IL1RAPL1: variants seen among roughly 807,000 people sequenced by gnomAD.
IL1RAPL1 encodes the protein interleukin-1 receptor accessory protein-like 1.
A neutral mutation model predicts 48.4 loss-of-function variants in IL1RAPL1; 3 were observed. The ratio of observed to expected loss-of-function variants is 0.06; its 90% CI spans 0.03 to 0.16. IL1RAPL1 has a LOEUF of 0.16. Among genes scored for constraint, IL1RAPL1 ranks in the 10% least tolerant of loss-of-function variants. The pLI, the probability that IL1RAPL1 is intolerant of heterozygous loss-of-function variation, is 1.00. For missense variants in IL1RAPL1, 349 were observed against 530.6 expected, an observed-to-expected ratio of 0.66 and a Z score of 3.36; for synonymous variants, 185 against 187.7, an observed-to-expected ratio of 0.99 and a Z score of 0.12.
At chrX:28,957,419 T>A (rs1434642952) in intron 2 of IL1RAPL1, among the ~76,000 whole-genome samples, 2 of 112,169 alleles carry the variant, frequency 1.8e-5, no homozygotes, top group Admixed American at 9.5e-5. Context: ...ATTTTAAGAA[T>A]TTTAATCAAG....
intron 5 of IL1RAPL1, among the ~76,000 whole-genome samples, chrX:29,611,574 A>G (rs1346039207): frequency 2.7e-5 from 3 of 111,650 alleles, no homozygotes; most frequent in African/African-American, 6.5e-5. Flanking sequence ...GGGCTGTGTC[A>G]TGCGCCATGG....
chrX:29,260,170 TACCA>T (rs1931827656), intron 2 of IL1RAPL1, among the ~76,000 whole-genome samples: 1 of 112,521 alleles, frequency 8.9e-6, no homozygotes, highest in Non-Finnish European at 1.9e-5. Flanking sequence ...TAATTTATTT[TACCA>T]AATGTTATAG....
chrX:29,589,688 GATAAA>G (rs1479023205), intron 5 of IL1RAPL1, among the ~76,000 whole-genome samples: 1 of 111,089 alleles, frequency 9.0e-6, no homozygotes, highest in Non-Finnish European at 1.9e-5. Flanking sequence ...TAATTAGTAG[GATAAA>G]ATAAAATAAT....
chrX:29,587,854 C>T (rs767293421), intron 5 of IL1RAPL1, among the ~76,000 whole-genome samples: 78 of 112,032 alleles, frequency 7.0e-4, no homozygotes, highest in African/African-American at 2.4e-3. Flanking sequence ...GCTTTTGTGT[C>T]CTGCATGTGT....
At chrX:29,137,604 A>G (rs1408090650) in intron 2 of IL1RAPL1, among the ~76,000 whole-genome samples, 2 of 112,351 alleles carry the variant, frequency 1.8e-5, no homozygotes, top group Non-Finnish European at 3.8e-5. Flanking sequence ...ATAGGTAGAC[A>G]GATACCTGAA....
chrX:28,606,280 G>A (rs1489080519), intron 1 of IL1RAPL1, among the ~76,000 whole-genome samples: 1 of 111,999 alleles, frequency 8.9e-6, no homozygotes, highest in African/African-American at 3.2e-5. Flanking sequence ...ATAAGATAAT[G>A]CAGTTAGAGC....
At position 29,899,453 on chromosome X, in the gene IL1RAPL1, G is replaced by C. The variant is rs181627606; in HGVS notation, c.779-18011G>C. On this transcript the variant is annotated intron_variant, in intron 6 of 10. Coordinates refer to ENST00000378993, the MANE Select transcript of IL1RAPL1 (RefSeq NM_014271.4). ...TGAGACAGGAGATACAGGTTGCAAAGAGAAATAAATAACAAGTCTTCCTCA... is the reference window on the plus strand; with the variant it reads ...TGAGACAGGAGATACAGGTTGCAAACAGAAATAAATAACAAGTCTTCCTCA... Among the ~76,000 whole-genome samples, 13 of 110,908 alleles carry C rather than the reference G, an allele frequency of 1.2e-4. No homozygotes were observed. In the East Asian group the frequency reaches 3.7e-3, roughly 31 times the overall value.
intron 6 of IL1RAPL1, among the ~76,000 whole-genome samples, chrX:29,840,378 C>T (rs1931112703): frequency 8.9e-6 from 1 of 111,735 alleles, no homozygotes; most frequent in African/African-American, 3.3e-5. Context: ...TCCCCTGCAG[C>T]ATTTAAATAC....
chrX:29,405,427 C>T lies in IL1RAPL1; in HGVS notation c.703+6119C>T, dbSNP rs1310365008. Reference sequence around the variant, plus strand: ...TGTCGCCCAGGCTGGAGTGCAGTGGCGGGATCTCGGCTCACTGCAAGCTCC... The same window carrying T: ...TGTCGCCCAGGCTGGAGTGCAGTGGTGGGATCTCGGCTCACTGCAAGCTCC... On this transcript the variant is annotated intron_variant, in intron 5 of 10. Transcript: ENST00000378993. 1.4e-4 allele frequency among the ~76,000 whole-genome samples: 13 copies of T among 96,272 alleles called. 2 individuals are homozygous for T. The highest frequency in any genetic ancestry group is 7.4e-4 in the Admixed American group (7 of 9,481). 83.6% of individuals were successfully genotyped at this position (96,272 alleles called of 115,157 possible).
intron 1 of IL1RAPL1, among the ~76,000 whole-genome samples, chrX:28,672,103 C>A (rs1458817994): frequency 8.9e-6 from 1 of 111,909 alleles, no homozygotes; most frequent in Non-Finnish European, 1.9e-5. Context: ...AGAACAATTC[C>A]AAAGACAAAT....
chrX:29,044,317 A>T (rs1412255520), intron 2 of IL1RAPL1, among the ~76,000 whole-genome samples: 1 of 110,346 alleles, frequency 9.1e-6, no homozygotes, highest in Non-Finnish European at 1.9e-5. Flanking sequence ...ATAATTCCAG[A>T]TACTCAGGAG....
intron 1 of IL1RAPL1, among the ~76,000 whole-genome samples, chrX:28,654,875 C>A (rs897929521): frequency 1.8e-5 from 2 of 111,654 alleles, no homozygotes; most frequent in African/African-American, 6.5e-5. Context: ...AAACCCATAC[C>A]ACTGGCTGAA....
intron 1 of IL1RAPL1, among the ~76,000 whole-genome samples, chrX:28,632,886 C>CTT (rs140847456): frequency 4.9e-5 from 2 of 40,608 alleles, no homozygotes; most frequent in African/African-American, 2.0e-4. Context: ...TCACTGTATG[C>CTT]TTTTTTTTTT....
chrX:29,279,264 C>T (rs1360444795), intron 2 of IL1RAPL1, among the ~76,000 whole-genome samples: 1 of 110,546 alleles, frequency 9.0e-6, no homozygotes, highest in Non-Finnish European at 1.9e-5. Flanking sequence ...GGTGAAACCA[C>T]GTCTCTACTA....
intron 1 of IL1RAPL1, among the ~76,000 whole-genome samples, chrX:28,735,931 G>A (rs1219276837): frequency 9.0e-6 from 1 of 111,005 alleles, no homozygotes; most frequent in Non-Finnish European, 1.9e-5. Context: ...TTCCTTATGG[G>A]TAAGGAATGT....
At chrX:29,311,210 T>C (rs939207019) in intron 3 of IL1RAPL1, among the ~76,000 whole-genome samples, 2 of 112,183 alleles carry the variant, frequency 1.8e-5, no homozygotes, top group Non-Finnish European at 3.8e-5. Flanking sequence ...ATAAAAGATA[T>C]TTTGTACATA....
At chrX:29,484,273 T>C (rs767158459) in intron 5 of IL1RAPL1, among the ~76,000 whole-genome samples, 5 of 111,675 alleles carry the variant, frequency 4.5e-5, no homozygotes, top group Non-Finnish European at 7.5e-5. Context: ...GCCATCTTGC[T>C]ATGTGATAAT....
intron 2 of IL1RAPL1, among the ~76,000 whole-genome samples, chrX:29,104,621 A>G: frequency 9.0e-6 from 1 of 111,488 alleles, no homozygotes; most frequent in Non-Finnish European, 1.9e-5. Flanking sequence ...CTAAAAGAAT[A>G]TAATTGGATT....
chrX:28,769,474 T>A (rs1209565133), intron 1 of IL1RAPL1, among the ~76,000 whole-genome samples: 1 of 111,467 alleles, frequency 9.0e-6, no homozygotes, highest in Non-Finnish European at 1.9e-5. Flanking sequence ...TGAACCATAT[T>A]GGAGACAGCT....
Sources: gnomAD v4.1 joint callset for allele counts (sites outside exome capture counted in the v4.1 genomes callset) on GRCh38, gnomAD v4.1.1 for gene constraint, MANE v1.5 for transcripts, NCBI Gene and HGNC (gene_info 2026-07-23, HGNC 2026-07-21) for gene names.